ARHGAP21: variants seen among roughly 807,000 people sequenced by gnomAD.
The protein encoded by ARHGAP21 is rho GTPase-activating protein 21.
ARHGAP21 carries 38 observed loss-of-function variants against 164.6 expected under a neutral mutation model. That is an observed-to-expected ratio of 0.23 (90% CI 0.18 to 0.30). ARHGAP21 has a LOEUF of 0.30. Ranked by LOEUF, ARHGAP21 falls within the 10% of genes least tolerant of loss-of-function variation. The pLI is 1.00. For missense variants in ARHGAP21, 1,822 were observed against 2,370.7 expected (o/e 0.77, Z 4.81); for synonymous variants, 766 against 857.9 (o/e 0.89, Z 1.87).
At chr10:24,608,246 C>G (rs2077114764) in intron 9 of ARHGAP21, among the ~76,000 whole-genome samples, 2 of 152,120 alleles carry the variant, frequency 1.3e-5, no homozygotes, top group Non-Finnish European at 2.9e-5. Flanking sequence ...GAAAGAATTA[C>G]TTTTCAAATT....
At chr10:24,628,952 C>CACTATA (rs1554977802) in intron 7 of ARHGAP21, 2 of 13,764 alleles carry the variant, frequency 1.5e-4, no homozygotes, top group African/African-American at 3.9e-4. Flanking sequence ...CACACACACA[C>CACTATA]TATATATATA....
intron 9 of ARHGAP21, among the ~76,000 whole-genome samples, chr10:24,614,784 A>AAC (rs1415997778): frequency 6.7e-6 from 1 of 149,862 alleles, no homozygotes; most frequent in Non-Finnish European, 1.5e-5. Context: ...CTCCATCTCA[A>AAC]AAAAAAAAAA....
chr10:24,617,269 A>C (rs545558634), intron 9 of ARHGAP21, among the ~76,000 whole-genome samples: 2 of 152,216 alleles, frequency 1.3e-5, no homozygotes, highest in Non-Finnish European at 2.9e-5. Context: ...AAGAAATATT[A>C]ACAGATATAT....
Position 24,621,265 on chromosome 10 carries a change from G to A in ARHGAP21, c.630C>T (p.Ala210=). 7 of 1,613,884 alleles carry A rather than the reference G, an allele frequency of 4.3e-6. No individual in the cohort carries two copies. The highest frequency in any genetic ancestry group is 5.9e-6 in the Non-Finnish European group (7 of 1,179,844). Residue 210 remains alanine, a synonymous_variant, in exon 9 of 26, where the codon GCC becomes GCT. Transcript: ENST00000396432. The part of the protein sequence containing the change: ...PPICYPWLPS[A]PSAMAQPVEI... ...CAACTGGCTGTGCCATGGCTGATGG[G>A]GCAGATGGCAGCCAGGGATAGCAGA...
chr10:24,698,393 AGT>A (rs1285101744), intron 2 of ARHGAP21, among the ~76,000 whole-genome samples: 3 of 152,168 alleles, frequency 2.0e-5, no homozygotes, highest in African/African-American at 7.2e-5. Context: ...CAAAGTGACT[AGT>A]GAGTACTTGC....
chr10:24,671,727 T>TC (rs1210562520), intron 2 of ARHGAP21, among the ~76,000 whole-genome samples: 3 of 151,236 alleles, frequency 2.0e-5, no homozygotes, highest in Non-Finnish European at 4.4e-5. Context: ...AACAAAATTT[T>TC]TTTTTTTTTT....
chr10:24,723,281 C>T (rs1593414951), intron 1 of ARHGAP21: 1 of 151,158 alleles, frequency 6.6e-6, no homozygotes, highest in African/African-American at 2.4e-5. Flanking sequence ...CATGAGCGGC[C>T]CCAGGCGCCC....
chr10:24,656,055 C>T (rs1193857866), intron 4 of ARHGAP21, among the ~76,000 whole-genome samples: 7 of 147,192 alleles, frequency 4.8e-5, no homozygotes, highest in Admixed American at 1.3e-4. Context: ...CCCCTCCGCC[C>T]GGCAGCTGCC....
At chr10:24,650,086 G>C (rs1019840581) in intron 4 of ARHGAP21, among the ~76,000 whole-genome samples, 1 of 152,202 alleles carries the variant, frequency 6.6e-6, no homozygotes, top group Non-Finnish European at 1.5e-5. Flanking sequence ...GGGAGATGGA[G>C]TAAGAATGAA....
At chr10:24,592,793 A>AG (rs1410993105) in intron 21 of ARHGAP21, among the ~76,000 whole-genome samples, 2 of 152,286 alleles carry the variant, frequency 1.3e-5, no homozygotes, top group East Asian at 3.9e-4. Context: ...GAAAAGTGGA[A>AG]GAAGTGCTGA....
intron 4 of ARHGAP21, among the ~76,000 whole-genome samples, chr10:24,654,808 C>A (rs1476950950): frequency 6.6e-6 from 1 of 152,146 alleles, no homozygotes; most frequent in African/African-American, 2.4e-5. Context: ...GCCTGCATTG[C>A]CAAGACAATC....
At chr10:24,680,788 T>G (rs184387351) in intron 2 of ARHGAP21, among the ~76,000 whole-genome samples, 1 of 152,298 alleles carries the variant, frequency 6.6e-6, no homozygotes, top group African/African-American at 2.4e-5. Context: ...GCACACACAG[T>G]GAAGGAGCCA....
intron 7 of ARHGAP21, 84 bp downstream of exon 7, chr10:24,629,912 C>T: frequency 6.2e-6 from 6 of 971,970 alleles, no homozygotes; most frequent in Non-Finnish European, 9.8e-6. Context: ...TTTTTAAATT[C>T]CATCTTTAAT....
At chr10:24,616,130 A>G (rs1235101289) in intron 9 of ARHGAP21, among the ~76,000 whole-genome samples, 1 of 152,248 alleles carries the variant, frequency 6.6e-6, no homozygotes, top group African/African-American at 2.4e-5. Context: ...AGTGGAAGCA[A>G]AAATCTCTAA....
At chr10:24,671,705 T>C (rs2131793285) in intron 2 of ARHGAP21, among the ~76,000 whole-genome samples, 1 of 151,844 alleles carries the variant, frequency 6.6e-6, no homozygotes, top group East Asian at 1.9e-4. Flanking sequence ...ATTTTGTAAT[T>C]TCTTTAATCT....
chr10:24,590,327 A>ATGTT, intron 24 of ARHGAP21: 1 of 1,535,276 alleles, frequency 6.5e-7, no homozygotes, highest in Non-Finnish European at 8.7e-7. Flanking sequence ...CAGATCAACT[A>ATGTT]TGTTTGCATT....
At chr10:24,634,857 C>T (rs2131365182) in intron 5 of ARHGAP21, among the ~76,000 whole-genome samples, 154 bp downstream of exon 5, 1 of 151,952 alleles carries the variant, frequency 6.6e-6, no homozygotes, top group East Asian at 1.9e-4. Context: ...CACCAAGAAA[C>T]ATAATTAGTT....
intron 11 of ARHGAP21, among the ~76,000 whole-genome samples, chr10:24,605,566 T>C (rs191032511): frequency 6.6e-6 from 1 of 152,294 alleles, no homozygotes; most frequent in Non-Finnish European, 1.5e-5. Context: ...CTCCCTCAAG[T>C]AGCTGCTCCA....
intron 11 of ARHGAP21, among the ~76,000 whole-genome samples, chr10:24,604,717 T>C (rs996899679): frequency 4.6e-5 from 7 of 152,158 alleles, no homozygotes; most frequent in Admixed American, 3.9e-4. Flanking sequence ...CAGTAAGCAG[T>C]TGCCATTAGC....
Sources: allele counts gnomAD v4.1 joint callset (sites outside exome capture counted in the v4.1 genomes callset), GRCh38; gene constraint gnomAD v4.1.1; transcripts MANE v1.5; gene names NCBI Gene and HGNC (gene_info 2026-07-23, HGNC 2026-07-21).